Variants in FMN1 observed in about 807,000 individuals in gnomAD.
The protein encoded by FMN1 is formin-1.
A neutral mutation model predicts 132.4 loss-of-function variants in FMN1; 110 were observed. That is an observed-to-expected ratio of 0.83 (90% CI 0.71 to 0.97). The LOEUF (loss-of-function observed/expected upper bound fraction) is 0.97. FMN1 is among the 50% of genes least tolerant of loss of function. FMN1 has a pLI of 0.00. For synonymous variants in FMN1, 722 were observed against 651.7 expected, an observed-to-expected ratio of 1.11 and a Z score of -1.64; for missense variants, 1,792 against 1,705.3, an observed-to-expected ratio of 1.05 and a Z score of -0.90.
At chr15:32,816,378 A>T (rs2058059836) in intron 17 of FMN1, among the ~76,000 whole-genome samples, 1 of 152,250 alleles carries the variant, frequency 6.6e-6, no homozygotes, top group South Asian at 2.1e-4. Context: ...ATATATAGTT[A>T]TCAAAATATT....
intron 6 of FMN1, among the ~76,000 whole-genome samples, chr15:33,041,893 G>A (rs895657223): frequency 8.1e-5 from 12 of 149,030 alleles, no homozygotes; most frequent in Non-Finnish European, 1.5e-4. Flanking sequence ...TTAAAAATGG[G>A]AAAGATAGTA....
intron 5 of FMN1, among the ~76,000 whole-genome samples, chr15:33,082,018 G>GGGGT (rs1491018389): frequency 3.8e-5 from 4 of 105,858 alleles, no homozygotes; most frequent in Non-Finnish European, 7.2e-5. Context: ...GAAGAGTTCA[G>GGGGT]GGGTGTGTGT....
chr15:32,868,338 C>G (rs980552067), intron 16 of FMN1, among the ~76,000 whole-genome samples: 1 of 152,096 alleles, frequency 6.6e-6, no homozygotes, highest in Admixed American at 6.5e-5. Context: ...CTGTAATATA[C>G]TGTTAACTAT....
intron 17 of FMN1, among the ~76,000 whole-genome samples, chr15:32,832,054 A>T (rs2058515965): frequency 1.3e-5 from 2 of 152,176 alleles, no homozygotes; most frequent in Non-Finnish European, 2.9e-5. Context: ...AGTTCCTGTG[A>T]TCACTTATGA....
At chr15:33,043,827 G>A (rs990152533) in intron 6 of FMN1, among the ~76,000 whole-genome samples, 2 of 152,198 alleles carry the variant, frequency 1.3e-5, no homozygotes, top group African/African-American at 2.4e-5. Flanking sequence ...GCCCAGCCAT[G>A]GCTGTGGAAC....
intron 10 of FMN1, among the ~76,000 whole-genome samples, chr15:32,919,503 TAAG>T (rs895739411): frequency 4.6e-5 from 7 of 152,228 alleles, no homozygotes; most frequent in African/African-American, 1.7e-4. Flanking sequence ...ATCAGGCTCA[TAAG>T]AACCCAAAGC....
At chr15:32,806,661 C>A (rs920544530) in intron 17 of FMN1, among the ~76,000 whole-genome samples, 10 of 152,244 alleles carry the variant, frequency 6.6e-5, no homozygotes, top group African/African-American at 2.4e-4. Context: ...ACACCCCTTC[C>A]TTTCCAGCTT....
intron 4 of FMN1, among the ~76,000 whole-genome samples, chr15:33,102,630 T>G (rs1292138644): frequency 2.0e-5 from 3 of 152,108 alleles, no homozygotes; most frequent in African/African-American, 7.2e-5. Context: ...GAGACCACAA[T>G]GGCAGGAAAA....
At chr15:32,804,981 A>G (rs1441178871) in intron 17 of FMN1, among the ~76,000 whole-genome samples, 1 of 152,144 alleles carries the variant, frequency 6.6e-6, no homozygotes, top group Non-Finnish European at 1.5e-5. Context: ...ACATGTGCAT[A>G]TATCTTTATA....
intron 17 of FMN1, among the ~76,000 whole-genome samples, chr15:32,816,874 C>T (rs1309296712): frequency 6.6e-6 from 1 of 152,170 alleles, no homozygotes; most frequent in Non-Finnish European, 1.5e-5. Context: ...AGTAACCATT[C>T]TACATATTTT....
intron 6 of FMN1, among the ~76,000 whole-genome samples, chr15:33,041,377 G>A (rs141854378): frequency 2.4e-5 from 3 of 122,802 alleles, no homozygotes; most frequent in Admixed American, 1.0e-4. Context: ...TTCTTTTGAC[G>A]TTCCTCACCA....
At chr15:33,105,479 C>A (rs1231940228) in intron 4 of FMN1, among the ~76,000 whole-genome samples, 3 of 152,074 alleles carry the variant, frequency 2.0e-5, no homozygotes, top group African/African-American at 7.2e-5. Flanking sequence ...GTTCAGACTT[C>A]TCAGAAATAA....
At position 32,981,539 on chromosome 15, in the gene FMN1, TAA is replaced by T. The variant is rs1566788136; in HGVS notation, c.2224-12064_2224-12063del. ...TCTCAAATAATAATAATAATAATAATAATAATTATTATTATTATTATTATTAC... is the reference window on the plus strand; with the variant it reads ...TCTCAAATAATAATAATAATAATAATTAATTATTATTATTATTATTATTAC... On this transcript the variant is annotated intron_variant, in intron 7 of 20. Transcript: ENST00000616417. Among the ~76,000 whole-genome samples, 156 of 136,558 alleles carry T rather than the reference TAA, an allele frequency of 1.1e-3. 3 individuals carry two copies. The highest frequency in any genetic ancestry group is 2.9e-3 in the African/African-American group (105 of 36,476). 89.6% of individuals were successfully genotyped at this position (136,558 alleles called of 152,430 possible). A position where few individuals can be genotyped will look rare whatever the true frequency, so the allele number is the denominator to read the frequency against.
chr15:33,052,204 C>T (rs968539470), intron 6 of FMN1, among the ~76,000 whole-genome samples: 1 of 152,188 alleles, frequency 6.6e-6, no homozygotes, highest in Non-Finnish European at 1.5e-5. Flanking sequence ...CATAACTATG[C>T]TGGTGTCTTA....
chr15:32,775,030 A>G (rs1448413768), intron 20 of FMN1, among the ~76,000 whole-genome samples: 1 of 152,192 alleles, frequency 6.6e-6, no homozygotes, highest in African/African-American at 2.4e-5. Context: ...CAGTATGGTA[A>G]GGATGGTGTG....
intron 4 of FMN1, among the ~76,000 whole-genome samples, chr15:33,127,102 G>A (rs1963157979): frequency 1.3e-5 from 2 of 152,194 alleles, no homozygotes; most frequent in South Asian, 4.1e-4. Flanking sequence ...GGTTGGGGGA[G>A]TGATGAACGA....
intron 16 of FMN1, among the ~76,000 whole-genome samples, chr15:32,859,295 C>T (rs1376673784): frequency 2.6e-5 from 4 of 152,182 alleles, no homozygotes; most frequent in Admixed American, 2.0e-4. Flanking sequence ...ACAAATTCAA[C>T]TAAATTCAAA....
intron 19 of FMN1, among the ~76,000 whole-genome samples, chr15:32,798,356 G>A (rs1022088009): frequency 6.6e-6 from 1 of 152,074 alleles, no homozygotes; most frequent in Non-Finnish European, 1.5e-5. Flanking sequence ...AATCCAATGC[G>A]GGGCTTCCAC....
At chr15:33,066,691 T>G in intron 5 of FMN1, 1 of 1,613,714 alleles carries the variant, frequency 6.2e-7, no homozygotes. Context: ...GGGCTGTCTC[T>G]GGCGACTTTG....
Sources: allele counts gnomAD v4.1 joint callset (sites outside exome capture counted in the v4.1 genomes callset), GRCh38; gene constraint gnomAD v4.1.1; transcripts MANE v1.5; gene names NCBI Gene and HGNC (gene_info 2026-07-23, HGNC 2026-07-21).